Variants in PPP6R3 observed in about 807,000 individuals in gnomAD.
PPP6R3 encodes protein phosphatase 6 regulatory subunit 3.
PPP6R3 carries 38 observed loss-of-function variants against 110.7 expected under a neutral mutation model. The observed-to-expected ratio is 0.34, with a 90% confidence interval of 0.26 to 0.45. The LOEUF is 0.45. PPP6R3 is among the 20% of genes least tolerant of loss of function. The probability of loss-of-function intolerance (pLI) is 1.00; values close to 1 mark genes in which losing one functional copy is unlikely to be tolerated. For missense variants in PPP6R3, 870 were observed against 1,062.4 expected (o/e 0.82, Z 2.52); for synonymous variants, 369 against 373.5 (o/e 0.99, Z 0.14).
intron 8 of PPP6R3, 78 bp downstream of exon 8, chr11:68,558,757 A>G: frequency 9.2e-7 from 1 of 1,082,814 alleles, no homozygotes. Context: ...TTAGTGGATA[A>G]GCTGTAATAG....
chr11:68,584,767 G>C (rs1459196315), intron 15 of PPP6R3, among the ~76,000 whole-genome samples: 1 of 152,152 alleles, frequency 6.6e-6, no homozygotes, highest in Non-Finnish European at 1.5e-5. Context: ...CAAGCTCTTA[G>C]CTTGCAGAAT....
Position 68,612,408 on chromosome 11 carries a change from T to G in PPP6R3, c.2571-658T>G, listed in dbSNP as rs138841162. 4.0e-3 allele frequency among the ~76,000 whole-genome samples: 614 copies of G among 152,278 alleles called. 6 individuals carry two copies. The highest frequency in any genetic ancestry group is 5.6e-3 in the Non-Finnish European group (379 of 68,016). On this transcript the variant is annotated intron_variant, in intron 23 of 23. Transcript: ENST00000393800. ...CTAAGCACCCTTTCCCAAGTCTGCT[T>G]GATACAATTTTGGTCAAGCCTTCCC...
chr11:68,484,453 T>G (rs2098933697), intron 1 of PPP6R3, among the ~76,000 whole-genome samples: 1 of 152,164 alleles, frequency 6.6e-6, no homozygotes, highest in South Asian at 2.1e-4. Context: ...TCCCTAATGA[T>G]GTATGATGTT....
At chr11:68,469,605 C>G (rs2098775249) in intron 1 of PPP6R3, among the ~76,000 whole-genome samples, 1 of 151,758 alleles carries the variant, frequency 6.6e-6, no homozygotes, top group Non-Finnish European at 1.5e-5. Flanking sequence ...TCTTGAACTC[C>G]TGGGCTCAAG....
intron 7 of PPP6R3, 34 bp from the exon 8 acceptor site, chr11:68,558,532 A>C: frequency 5.0e-5 from 66 of 1,310,204 alleles, no homozygotes; most frequent in Non-Finnish European, 7.2e-5. Context: ...GATAAGTGAT[A>C]CTGCAGTTAG....
chr11:68,580,230 G>C (rs539150975), intron 14 of PPP6R3, among the ~76,000 whole-genome samples: 9 of 152,324 alleles, frequency 5.9e-5, no homozygotes, highest in Non-Finnish European at 1.2e-4. Flanking sequence ...AGAAGGACTT[G>C]AGGCCAGAAA....
At chr11:68,567,902 A>T (rs76097817) in intron 10 of PPP6R3, among the ~76,000 whole-genome samples, 38 of 152,260 alleles carry the variant, frequency 2.5e-4, no homozygotes, top group African/African-American at 8.9e-4. Flanking sequence ...TACACTATTC[A>T]TGTGATCCTG....
Position 68,542,404 on chromosome 11 carries a change from T to TGTTTTTG in PPP6R3, c.228-2434_228-2433insGTTTTTG, listed in dbSNP as rs1165903070. 8.1e-5 allele frequency among the ~76,000 whole-genome samples: 10 copies of TGTTTTTG among 124,186 alleles called. 1 individual carries two copies. The highest frequency in any genetic ancestry group is 2.5e-4 in the Admixed American group (3 of 12,078). The allele number at this position is 124,186 out of a possible 152,430, so 81.5% of individuals were successfully genotyped here. A position where few individuals can be genotyped will look rare whatever the true frequency, so the allele number is the denominator to read the frequency against. On this transcript the variant is annotated intron_variant, in intron 3 of 23. Coordinates refer to ENST00000393800, the MANE Select transcript of PPP6R3 (RefSeq NM_001164161.2). The stretch of plus-strand genomic sequence containing the variant: ...AGAAGCTGCTGTTTTTTTTTTTTTT[T>TGTTTTTG]TTTTTTTAAGACAGAGTCTTGCTCT...
At chr11:68,531,728 T>C (rs1178841169) in intron 2 of PPP6R3, among the ~76,000 whole-genome samples, 1 of 152,198 alleles carries the variant, frequency 6.6e-6, no homozygotes, top group African/African-American at 2.4e-5. Flanking sequence ...TGTGTGTATG[T>C]TGGTGCCTGT....
chr11:68,612,212 C>T lies in PPP6R3; in HGVS notation c.2571-854C>T, dbSNP rs529477021. On this transcript the variant is annotated intron_variant, in intron 23 of 23. Coordinates refer to ENST00000393800, the MANE Select transcript of PPP6R3 (RefSeq NM_001164161.2). Reference sequence around the variant, plus strand: ...TCCAGAAGTCTCGATTCCTATGTCTCTCATACACGGAGCCACCATCAGATG... The same window carrying T: ...TCCAGAAGTCTCGATTCCTATGTCTTTCATACACGGAGCCACCATCAGATG... Among the ~76,000 whole-genome samples the T allele has an allele frequency of 1.6e-4, 25 of 152,300 alleles. 1 individual carries two copies. The Middle Eastern group carries it at 0.02, about 124-fold the overall frequency.
intron 22 of PPP6R3, chr11:68,609,357 C>T (rs1278119046): frequency 4.5e-6 from 3 of 664,304 alleles, no homozygotes; most frequent in Non-Finnish European, 8.2e-6. Flanking sequence ...AACACGGTGA[C>T]CTCATGTGAC....
chr11:68,590,431 G>T (rs1047601477), intron 16 of PPP6R3, among the ~76,000 whole-genome samples: 17 of 152,120 alleles, frequency 1.1e-4, no homozygotes, highest in Non-Finnish European at 4.4e-5. Context: ...TGTCCCAAAG[G>T]CTTTATGTCT....
At chr11:68,497,661 A>G (rs2099025789) in intron 1 of PPP6R3, among the ~76,000 whole-genome samples, 1 of 152,226 alleles carries the variant, frequency 6.6e-6, no homozygotes, top group Non-Finnish European at 1.5e-5. Flanking sequence ...AACCTTGTAC[A>G]TAAATCTTTT....
chr11:68,498,369 A>G (rs2099030405), intron 1 of PPP6R3, among the ~76,000 whole-genome samples: 1 of 152,068 alleles, frequency 6.6e-6, no homozygotes, highest in South Asian at 2.1e-4. Context: ...CCCATTTCCC[A>G]CTTCTCTTCT....
chr11:68,612,244 A>T (rs191272715), intron 23 of PPP6R3, among the ~76,000 whole-genome samples: 2 of 152,330 alleles, frequency 1.3e-5, no homozygotes, highest in Non-Finnish European at 2.9e-5. Context: ...GATGTAAGTA[A>T]GTGAGCAGAG....
intron 1 of PPP6R3, chr11:68,488,863 G>C (rs1267913710): frequency 6.6e-6 from 1 of 152,174 alleles, no homozygotes; most frequent in East Asian, 1.9e-4. Context: ...GGTGGCAACA[G>C]CTAGGTTCCT....
At chr11:68,502,409 A>G (rs2099053374) in intron 1 of PPP6R3, among the ~76,000 whole-genome samples, 1 of 152,190 alleles carries the variant, frequency 6.6e-6, no homozygotes, top group African/African-American at 2.4e-5. Flanking sequence ...TACAGAGCAT[A>G]TATCAGAATT....
At chr11:68,567,340 A>C (rs1375696081) in intron 10 of PPP6R3, among the ~76,000 whole-genome samples, 174 bp downstream of exon 10, 2 of 152,212 alleles carry the variant, frequency 1.3e-5, no homozygotes, top group African/African-American at 4.8e-5. Flanking sequence ...GAATGCTTAT[A>C]ATTGTTCACT....
chr11:68,600,569 T>G (rs2099628790), intron 20 of PPP6R3, 75 bp downstream of exon 20: 1 of 1,510,192 alleles, frequency 6.6e-7, no homozygotes, highest in Admixed American at 2.3e-5. Context: ...TGTTAACGTG[T>G]GTTCTTCACC....
Sources: allele counts gnomAD v4.1 joint callset (sites outside exome capture counted in the v4.1 genomes callset), GRCh38; gene constraint gnomAD v4.1.1; transcripts MANE v1.5; gene names NCBI Gene and HGNC (gene_info 2026-07-23, HGNC 2026-07-21).